Variants in KCNMA1 observed in about 807,000 individuals in gnomAD.
KCNMA1 encodes Calcium-activated potassium channel subunit alpha-1.
In KCNMA1, 29 loss-of-function variants were observed where a neutral mutation model predicts 140.0. That is an observed-to-expected ratio of 0.21 (90% CI 0.15 to 0.28). The LOEUF is 0.28. Ranked by LOEUF, KCNMA1 falls within the 10% of genes least tolerant of loss-of-function variation. The pLI, the probability that KCNMA1 is intolerant of heterozygous loss-of-function variation, is 1.00. For synonymous variants in KCNMA1, 612 were observed against 611.9 expected (o/e 1.00, Z 0.00); for missense variants, 880 against 1,602.2 (o/e 0.55, Z 7.70).
chr10:77,330,545 C>T (rs1355519708), intron 2 of KCNMA1, among the ~76,000 whole-genome samples: 2 of 152,168 alleles, frequency 1.3e-5, no homozygotes, highest in Non-Finnish European at 2.9e-5. Flanking sequence ...CTGGAACTCA[C>T]AATAATTTCG....
intron 1 of KCNMA1, among the ~76,000 whole-genome samples, chr10:77,579,275 C>T (rs1300364903): frequency 1.3e-5 from 2 of 152,170 alleles, no homozygotes; most frequent in East Asian, 3.9e-4. Flanking sequence ...CAGGAGGGAT[C>T]AGGGAGGCAG....
intron 25 of KCNMA1, among the ~76,000 whole-genome samples, chr10:76,895,409 A>G (rs978264281): frequency 3.3e-5 from 5 of 152,208 alleles, no homozygotes; most frequent in African/African-American, 1.2e-4. Context: ...TTGTGTTGCT[A>G]TATGACCCAG....
chr10:77,254,131 C>T lies in KCNMA1; in HGVS notation c.541-2875G>A, dbSNP rs1383090246. Among the ~76,000 whole-genome samples the T allele has an allele frequency of 2.6e-5, 4 of 152,042 alleles. No homozygotes were observed. The East Asian group carries it at 7.7e-4, about 29-fold the overall frequency. On this transcript the variant is annotated intron_variant, in intron 2 of 27. Coordinates refer to ENST00000286628, the MANE Select transcript of KCNMA1 (RefSeq NM_001161352.2). ...ATGGTAATGGTATTATTATAGAGCA[C>T]CCCAAATAGTCACCTAAGTATTTAA...
At chr10:77,422,376 G>A (rs2096885931) in intron 1 of KCNMA1, among the ~76,000 whole-genome samples, 2 of 152,176 alleles carry the variant, frequency 1.3e-5, no homozygotes, top group African/African-American at 4.8e-5. Context: ...GATGGCTAGG[G>A]GAACCCCGTT....
chr10:77,597,271 T>C (rs1249114918), intron 1 of KCNMA1, among the ~76,000 whole-genome samples: 1 of 152,166 alleles, frequency 6.6e-6, no homozygotes, highest in African/African-American at 2.4e-5. Flanking sequence ...TCATCTCTCC[T>C]GCCTCAGGAG....
intron 1 of KCNMA1, among the ~76,000 whole-genome samples, chr10:77,468,685 G>A (rs748835878): frequency 3.3e-5 from 5 of 152,202 alleles, no homozygotes; most frequent in East Asian, 1.9e-4. Flanking sequence ...CTCTAGAACT[G>A]TAAGAAAATT....
chr10:77,480,773 C>T (rs549775173), intron 1 of KCNMA1, among the ~76,000 whole-genome samples: 143 of 152,030 alleles, frequency 9.4e-4, no homozygotes, highest in Non-Finnish European at 1.1e-3. Flanking sequence ...GTAATCTCAA[C>T]TTTCATGAAC....
Position 77,001,513 on chromosome 10 carries a change from G to A in KCNMA1, c.2160C>T (p.Asp720=). 6.4e-7 allele frequency: 1 copy of A among 1,552,084 alleles called. No homozygotes were observed. The highest frequency in any genetic ancestry group is 1.4e-5 in the African/African-American group (1 of 73,188). The change falls in exon 19 of 28, where the codon GAC becomes GAT. Residue 720 remains aspartate (D), a synonymous_variant. Coordinates refer to ENST00000286628, the MANE Select transcript of KCNMA1 (RefSeq NM_001161352.2). ...GCACACGGCCTGACATGCATGAGCA[G>A]TCACGCTCAGAACGTCCGCAATCAA... is the stretch of plus-strand genomic sequence containing the variant. The part of the protein sequence containing the change: ...CCFDCGRSER[D]CSCMSGRVRG...
In KCNMA1 at chr10:77,045,714, C is replaced by T. The variant is rs570636624; in HGVS notation, c.1750-6077G>A. Reference sequence around the variant, plus strand: ...ATGATGCCTTTTATTTTTTATGCTTCCTCTGATTAGAGTGAAACTGTGTTT... The same window carrying T: ...ATGATGCCTTTTATTTTTTATGCTTTCTCTGATTAGAGTGAAACTGTGTTT... On this transcript the variant is annotated intron_variant, in intron 14 of 27. Coordinates refer to ENST00000286628, the MANE Select transcript of KCNMA1 (RefSeq NM_001161352.2). 4.9e-4 allele frequency among the ~76,000 whole-genome samples: 74 copies of T among 152,272 alleles called. 1 individual carries two copies. The South Asian group carries it at 0.015, about 31-fold the overall frequency.
At position 77,004,213 on chromosome 10, in the gene KCNMA1, C is replaced by CCACACACACACACACA. The variant is rs35789536; in HGVS notation, c.2093-2649_2093-2634dup. Among the ~76,000 whole-genome samples, 20 of 144,368 alleles carry CCACACACACACACACA rather than the reference C, an allele frequency of 1.4e-4. 1 individual carries two copies. Among genetic ancestry groups the CCACACACACACACACA allele is most frequent in the African/African-American group, 4.7e-4 (18 of 38,446 alleles). The allele number at this position is 144,368 out of a possible 152,430, so 94.7% of individuals were successfully genotyped here. A position where few individuals can be genotyped will look rare whatever the true frequency, so the allele number is the denominator to read the frequency against. ...AATCTCAAAAGACAAACAAGTGCCA[C>CCACACACACACACACA]CACACACACACACACACACACACAC... is the stretch of plus-strand genomic sequence containing the variant. On this transcript the variant is annotated intron_variant, in intron 18 of 27. Coordinates refer to ENST00000286628, the MANE Select transcript of KCNMA1 (RefSeq NM_001161352.2).
At chr10:77,024,772 G>A (rs2093240825) in intron 16 of KCNMA1, among the ~76,000 whole-genome samples, 1 of 152,088 alleles carries the variant, frequency 6.6e-6, no homozygotes, top group Non-Finnish European at 1.5e-5. Context: ...CAATTTAATA[G>A]CAGTGTTCTA....
intron 1 of KCNMA1, among the ~76,000 whole-genome samples, chr10:77,613,952 C>T (rs2088177364): frequency 6.6e-6 from 1 of 152,208 alleles, no homozygotes; most frequent in South Asian, 2.1e-4. Flanking sequence ...CTGAGGCAGT[C>T]AGGCATGAGA....
chr10:76,899,799 CT>C (rs1486720301), intron 25 of KCNMA1, among the ~76,000 whole-genome samples: 5 of 152,056 alleles, frequency 3.3e-5, no homozygotes, highest in Non-Finnish European at 7.4e-5. Flanking sequence ...AACAATGGTT[CT>C]TTGACATGAC....
chr10:76,878,201 G>C (rs1363854428), intron 29 of KCNMA1, among the ~76,000 whole-genome samples: 2 of 152,144 alleles, frequency 1.3e-5, no homozygotes. Context: ...TAATTTCATG[G>C]CCAGAAAAGG....
intron 17 of KCNMA1, among the ~76,000 whole-genome samples, chr10:77,016,967 G>T (rs1000371879): frequency 6.6e-6 from 1 of 151,884 alleles, no homozygotes; most frequent in Non-Finnish European, 1.5e-5. Context: ...CCTTTCTGTG[G>T]TTTTTTGCAG....
chr10:77,534,323 T>C (rs372973711), intron 1 of KCNMA1, among the ~76,000 whole-genome samples: 6 of 152,094 alleles, frequency 3.9e-5, no homozygotes, highest in African/African-American at 1.2e-4. Context: ...GAGATGTTTG[T>C]TATAGTAACT....
intron 1 of KCNMA1, among the ~76,000 whole-genome samples, chr10:77,447,597 C>T (rs969825765): frequency 6.6e-6 from 1 of 152,202 alleles, no homozygotes; most frequent in Non-Finnish European, 1.5e-5. Context: ...AATAAATATG[C>T]CATCACAAGA....
At chr10:77,637,231 G>A in intron 1 of KCNMA1, 34 bp downstream of exon 1, 1 of 1,559,844 alleles carries the variant, frequency 6.4e-7, no homozygotes, top group Non-Finnish European at 8.7e-7. Context: ...CGGTGGGGCT[G>A]GCGCAGAGGG....
At chr10:76,877,225 TCC>T (rs1212259376), downstream of KCNMA1, 1 of 153,608 alleles carries the variant, frequency 6.5e-6, no homozygotes, top group Non-Finnish European at 1.5e-5. Flanking sequence ...TATTCACCTG[TCC>T]CCTTAGTCTT....
Sources: gnomAD v4.1 joint callset for allele counts (sites outside exome capture counted in the v4.1 genomes callset) on GRCh38, gnomAD v4.1.1 for gene constraint, MANE v1.5 for transcripts, NCBI Gene and HGNC (gene_info 2026-07-23, HGNC 2026-07-21) for gene names.